The following SAMD14 variants were observed in gnomAD, a reference collection of about 807,000 sequenced individuals.
SAMD14 encodes sterile alpha motif domain containing 14, also known as sterile alpha motif domain-containing protein 14.
SAMD14 carries 27 observed loss-of-function variants against 46.2 expected under a neutral mutation model. The observed-to-expected ratio is 0.58, with a 90% CI of 0.43 to 0.81. The LOEUF (loss-of-function observed/expected upper bound fraction) is 0.81, where lower values mean the gene tolerates loss of function less well. Ranked by LOEUF, SAMD14 falls within the 30% of genes least tolerant of loss-of-function variation. The probability of loss-of-function intolerance (pLI) is 0.00; values close to 1 mark genes in which losing one functional copy is unlikely to be tolerated. For synonymous variants in SAMD14, 241 were observed against 254.3 expected (o/e 0.95, Z 0.50); for missense variants, 559 against 582.2 (o/e 0.96, Z 0.41).
intron 2 of SAMD14, among the ~76,000 whole-genome samples, chr17:50,119,572 A>G (rs1490056912): frequency 6.6e-6 from 1 of 152,144 alleles, no homozygotes; most frequent in Non-Finnish European, 1.5e-5. Flanking sequence ...GTGGGCACTC[A>G]GGCACCTGCC....
chr17:50,111,473 CAT>C lies in SAMD14; in HGVS notation c.*1418_*1419del, dbSNP rs912281361. On this transcript the variant is annotated 3_prime_UTR_variant, in exon 10 of 10. Transcript: ENST00000330175. ...CAGGCCCAGATGGTGCCAGTGTCCT[CAT>C]ATCTGTTTCCCTCCGAAGCCCCTCT... 4.6e-5 allele frequency: 7 copies of C among 152,338 alleles called. No individual in the cohort carries two copies. The highest frequency in any genetic ancestry group is 7.3e-5 in the Non-Finnish European group (5 of 68,128). The allele number at this position is 152,338 out of a possible 1,614,324, so 9.4% of individuals were successfully genotyped here. A position where few individuals can be genotyped will look rare whatever the true frequency, so the allele number is the denominator to read the frequency against.
intron 4 of SAMD14, 152 bp from the exon 5 acceptor site, chr17:50,116,242 C>G (rs1272391516): frequency 1.7e-6 from 2 of 1,187,708 alleles, no homozygotes; most frequent in African/African-American, 3.1e-5. Context: ...GGATAAGCCA[C>G]TTTACCTCTC....
rs745672928 is a variant in SAMD14, at chr17:50,115,865, C to T, written c.627G>A (p.Lys209=). 3.1e-6 allele frequency: 5 copies of T among 1,613,268 alleles called. No homozygotes were observed. Among genetic ancestry groups the T allele is most frequent in the Non-Finnish European group, 4.2e-6 (5 of 1,179,886 alleles). The change falls in exon 6 of 10, where the codon AAG becomes AAA. Residue 209 remains lysine (K), a synonymous_variant. Coordinates refer to ENST00000330175, the MANE Select transcript of SAMD14 (RefSeq NM_001257359.2). This position sits in a 1 kb window ranked among gnomAD's most constrained non-coding sequence, Gnocchi z 5.3. ...TGGACAGTCGGTTGCTGCCTTTCTC[C>T]TTCCGGCTCTTGCCCGTGGATGCTC... ...LRRASTGKSR[K]EKGSNRLSMG...
intron 4 of SAMD14, among the ~76,000 whole-genome samples, chr17:50,116,565 C>T (rs1911220239): frequency 6.6e-6 from 1 of 151,654 alleles, no homozygotes; most frequent in Non-Finnish European, 1.5e-5. Context: ...GCCACCACAC[C>T]CGGCTAATTT....
At position 50,118,199 on chromosome 17, in the gene SAMD14, C is replaced by T. The variant is rs755337590; in HGVS notation, c.172G>A (p.Ala58Thr). Residue 58 changes from alanine to threonine, a missense_variant, in exon 3 of 10, where the codon GCG becomes ACG. By Grantham distance (58) the Ala-to-Thr change is moderately conservative (BLOSUM62 0). Transcript: ENST00000330175. ...RSRLRDSASSAEDGEGSDGPG... is the reference protein window; with the variant it reads ...RSRLRDSASSTEDGEGSDGPG... ...CCATCCGAGCCTTCACCATCCTCCG[C>T]GGAGCTGGCACTGTCCCGAAGCCTG... The T allele has an allele frequency of 7.5e-6, 12 of 1,610,452 alleles. No homozygotes were observed. In the South Asian group the frequency reaches 7.7e-5, roughly 10 times the overall value.
chr17:50,122,662 T>C (rs971805316), intron 2 of SAMD14, among the ~76,000 whole-genome samples: 19 of 152,152 alleles, frequency 1.2e-4, no homozygotes, highest in Admixed American at 9.8e-4. Context: ...CTATAAATAT[T>C]TGTCGAATGG....
chr17:50,112,679 A>G lies in SAMD14; in HGVS notation c.*214T>C, dbSNP rs62060029. ...ACTCTGTGCCAAACAAGTCCTCAAA[A>G]TAGGATTTATTACTAGGCCCTCTCC... On this transcript the variant is annotated 3_prime_UTR_variant, in exon 10 of 10. Transcript: ENST00000330175. 0.06 allele frequency: 31,772 copies of G among 529,678 alleles called. 1,270 individuals are homozygous for G. Among genetic ancestry groups the G allele is most frequent in the Middle Eastern group, 0.11 (216 of 1,970 alleles). 32.8% of individuals were successfully genotyped at this position (529,678 alleles called of 1,614,324 possible). A position where few individuals can be genotyped will look rare whatever the true frequency, so the allele number is the denominator to read the frequency against.
intron 1 of SAMD14, 115 bp from the exon 2 acceptor site, chr17:50,125,086 C>A: frequency 2.2e-6 from 2 of 898,832 alleles, no homozygotes; most frequent in Admixed American, 1.9e-5. Flanking sequence ...GGCCCCTCCC[C>A]TTACCTTAGA....
In SAMD14 at chr17:50,113,005, C is replaced by A. The variant is rs778713639; in HGVS notation, c.1142G>T (p.Arg381Leu). The change falls in exon 10 of 10, where the codon CGC (arginine) becomes CTC (leucine). Residue 381 changes from arginine (R) to leucine (L), a missense_variant. Transcript: ENST00000330175. ...AGCTGCTGCCATCTCCTTCAACTTG[C>A]GCTTCACCAGTGCCCGGTCATGAGA... Reference protein sequence around the residue: ...SNSHDRALVKRKLKEMAAAAE... With the variant: ...SNSHDRALVKLKLKEMAAAAE... 1 of 1,612,384 alleles carries A rather than the reference C, an allele frequency of 6.2e-7. No individual in the cohort carries two copies. The highest frequency in any genetic ancestry group is 1.3e-5 in the African/African-American group (1 of 74,936).
chr17:50,114,096 G>C lies in SAMD14; in HGVS notation c.943-17C>G. The C allele has an allele frequency of 1.2e-6, 2 of 1,613,822 alleles. No homozygotes were observed. Among genetic ancestry groups the C allele is most frequent in the Non-Finnish European group, 1.7e-6 (2 of 1,180,022 alleles). ...ATCCAGGAACTGGGCAGAGACCAAG[G>C]AGAGTGAGGGGGAGGCTTGGCCTGT... On this transcript the variant is annotated splice_polypyrimidine_tract_variant and intron_variant, in intron 8 of 9. Transcript: ENST00000330175.
chr17:50,113,119 C>T (rs1039305558), intron 9 of SAMD14, 71 bp from the exon 10 acceptor site: 59 of 1,562,518 alleles, frequency 3.8e-5, no homozygotes, highest in Non-Finnish European at 4.8e-5. Context: ...CGCCCAGGCT[C>T]CTTTTGCCCC....
intron 2 of SAMD14, among the ~76,000 whole-genome samples, chr17:50,119,625 AAC>A (rs1158112562): frequency 6.6e-6 from 1 of 152,134 alleles, no homozygotes; most frequent in Non-Finnish European, 1.5e-5. Flanking sequence ...TCTCAAGCTC[AAC>A]TCATCAAAAT....
Position 50,114,177 on chromosome 17 carries a change from C to A in SAMD14, c.942+10G>T, listed in dbSNP as rs765959423. On this transcript the variant is annotated intron_variant, in intron 8 of 9. Transcript: ENST00000330175. ...GGACTCCGTGGGCACCCTGGGCCAG[C>A]CTTGCTCACCTCATCTGAAGACTGA... 6.2e-7 allele frequency: 1 copy of A among 1,614,128 alleles called. No homozygotes were observed. Among genetic ancestry groups the A allele is most frequent in the South Asian group, 1.1e-5 (1 of 91,088 alleles).
At chr17:50,123,457 C>T (rs1427430468) in intron 2 of SAMD14, 1 of 152,346 alleles carries the variant, frequency 6.6e-6, no homozygotes, top group Admixed American at 6.5e-5. Context: ...GGTGCCCAGC[C>T]AACTCAAAAC....
chr17:50,119,262 A>G (rs1911390541), intron 2 of SAMD14, among the ~76,000 whole-genome samples: 1 of 152,192 alleles, frequency 6.6e-6, no homozygotes, highest in Non-Finnish European at 1.5e-5. Context: ...TATTGCTCAT[A>G]GCTCCACTTG....
rs568104150 is a variant in SAMD14, at chr17:50,121,465, G to A, written c.44-3138C>T. Among the ~76,000 whole-genome samples, 52 of 152,094 alleles carry A rather than the reference G, an allele frequency of 3.4e-4. 1 individual carries two copies. The East Asian group carries it at 9.8e-3, about 29-fold the overall frequency. ...CCCAAGTAGCTGGGACTACAGGTGT[G>A]TGCCACCACACCTGGCTAACTTTTG... On this transcript the variant is annotated intron_variant, in intron 2 of 9. Coordinates refer to ENST00000330175, the MANE Select transcript of SAMD14 (RefSeq NM_001257359.2).
chr17:50,118,136 A>T, intron 3 of SAMD14, 25 bp downstream of exon 3: 2 of 1,563,780 alleles, frequency 1.3e-6, no homozygotes, highest in East Asian at 2.3e-5. Context: ...GAGGGTGTAT[A>T]TGTGTTTTCC....
At position 50,115,471 on chromosome 17, in the gene SAMD14, A is replaced by G. The variant is rs1598223543; in HGVS notation, c.822+93T>C. The G allele has an allele frequency of 7.5e-7, 1 of 1,334,404 alleles. No individual in the cohort carries two copies. Among genetic ancestry groups the G allele is most frequent in the East Asian group, 2.3e-5 (1 of 42,778 alleles). 82.7% of individuals were successfully genotyped at this position (1,334,404 alleles called of 1,614,324 possible). A position where few individuals can be genotyped will look rare whatever the true frequency, so the allele number is the denominator to read the frequency against. ...ATGGATGGACAAATTGATTCCAGGA[A>G]TGTCTGAATCCCAGCCTGAGCCAAG... On this transcript the variant is annotated intron_variant, in intron 7 of 9. Transcript: ENST00000330175. The surrounding 1 kb of genome is among the most constrained non-coding windows in gnomAD (Gnocchi z 5.3).
Position 50,120,813 on chromosome 17 carries a change from A to G in SAMD14, c.44-2486T>C, listed in dbSNP as rs1453594697. ...GTGGTTCTCTCCCTCACTTCCTTCA[A>G]GTCTTCGCTTAAATGCTTTCTCTCA... On this transcript the variant is annotated intron_variant, in intron 2 of 9. Transcript: ENST00000330175. Among the ~76,000 whole-genome samples the G allele has an allele frequency of 2.0e-5, 3 of 152,208 alleles. No homozygotes were observed. In the East Asian group the frequency reaches 5.8e-4, roughly 29 times the overall value.
Sources: allele counts gnomAD v4.1 joint callset (sites outside exome capture counted in the v4.1 genomes callset), GRCh38; gene constraint gnomAD v4.1.1; non-coding constraint Gnocchi (gnomAD v3.1); transcripts MANE v1.5; gene names NCBI Gene and HGNC (gene_info 2026-07-23, HGNC 2026-07-21).